The following ADAMTS2 variants were observed in gnomAD, a reference collection of about 807,000 sequenced individuals.
ADAMTS2 encodes the protein ADAM metallopeptidase with thrombospondin type 1 motif 2, also known as A disintegrin and metalloproteinase with thrombospondin motifs 2.
A neutral mutation model predicts 123.0 loss-of-function variants in ADAMTS2; 50 were observed. The observed-to-expected ratio is 0.41, with a 90% CI of 0.32 to 0.51. The LOEUF is 0.51. ADAMTS2 is among the 20% of genes least tolerant of loss of function. The pLI is 0.35. For synonymous variants in ADAMTS2, 678 were observed against 695.4 expected, an observed-to-expected ratio of 0.98 and a Z score of 0.39; for missense variants, 1,494 against 1,705.2, an observed-to-expected ratio of 0.88 and a Z score of 2.18.
At chr5:179,273,529 T>C (rs1248440228) in intron 2 of ADAMTS2, among the ~76,000 whole-genome samples, 2 of 152,116 alleles carry the variant, frequency 1.3e-5, no homozygotes, top group Admixed American at 1.3e-4. Flanking sequence ...CCCACACACA[T>C]GTTCCATCTG....
rs74938628 is a variant in ADAMTS2 at position 179,236,474 on chromosome 5, G to A, written c.689-28759C>T. ...TTAAGGTGGGGAACAAGAATGAGCTGTCAGAGGCCTCTGATAAAGAATCGT... is the reference window on the plus strand; with the variant it reads ...TTAAGGTGGGGAACAAGAATGAGCTATCAGAGGCCTCTGATAAAGAATCGT... On this transcript the variant is annotated intron_variant, in intron 3 of 21. Coordinates refer to ENST00000251582, the MANE Select transcript of ADAMTS2 (RefSeq NM_014244.5). Among the ~76,000 whole-genome samples, 418 of 152,258 alleles carry A rather than the reference G, an allele frequency of 2.7e-3. 1 individual carries two copies. Among genetic ancestry groups the A allele is most frequent in the African/African-American group, 9.7e-3 (403 of 41,496 alleles).
intron 5 of ADAMTS2, among the ~76,000 whole-genome samples, chr5:179,179,882 C>T (rs187622283): frequency 6.6e-6 from 1 of 152,334 alleles, no homozygotes; most frequent in East Asian, 1.9e-4. Context: ...TCTCTTTGAA[C>T]AGAGTTCAAC....
intron 5 of ADAMTS2, among the ~76,000 whole-genome samples, chr5:179,163,857 A>AG (rs1192673705): frequency 6.6e-6 from 1 of 151,976 alleles, no homozygotes; most frequent in Non-Finnish European, 1.5e-5. Flanking sequence ...CCAGAGCTAA[A>AG]GGGGTCTATG....
rs548849237 is a variant in ADAMTS2 at position 179,272,589 on chromosome 5, A to G, written c.688+322T>C. On this transcript the variant is annotated intron_variant, in intron 3 of 21. Transcript: ENST00000251582. This position sits in a 1 kb window ranked among gnomAD's most constrained non-coding sequence, Gnocchi z 5.8. ...CCGGGGGCCCCCGCCCCGCTCCACG[A>G]CACTTGCTTGCCTTTAGGCAACAGA... 6.6e-6 allele frequency among the ~76,000 whole-genome samples: 1 copy of G among 152,062 alleles called. No individual in the cohort carries two copies. The highest frequency in any genetic ancestry group is 1.5e-5 in the Non-Finnish European group (1 of 67,988).
chr5:179,275,775 G>C (rs550172260), intron 2 of ADAMTS2, among the ~76,000 whole-genome samples: 3 of 152,352 alleles, frequency 2.0e-5, no homozygotes, highest in African/African-American at 7.2e-5. Context: ...TACCGACTTC[G>C]GACGTCCGGC....
At position 179,314,748 on chromosome 5, in the gene ADAMTS2, C is replaced by T. The variant is rs1463308867; in HGVS notation, c.534+29019G>A. Among the ~76,000 whole-genome samples the T allele has an allele frequency of 2.6e-5, 4 of 152,148 alleles. No individual in the cohort carries two copies. Among genetic ancestry groups the T allele is most frequent in the Non-Finnish European group, 5.9e-5 (4 of 68,020 alleles). Reference sequence around the variant, plus strand: ...AGCCTTCCTGCACCCAGGTGGGGCTCCTGTCCCCCGCCAGTGCCCCCAACC... The same window carrying T: ...AGCCTTCCTGCACCCAGGTGGGGCTTCTGTCCCCCGCCAGTGCCCCCAACC... On this transcript the variant is annotated intron_variant, in intron 2 of 21. Transcript: ENST00000251582. The surrounding 1 kb of genome is among the most constrained non-coding windows in gnomAD (Gnocchi z 4.5).
rs1469746435 is a variant in ADAMTS2, at chr5:179,113,985, T to C, written c.3518A>G (p.Glu1173Gly). The C allele has an allele frequency of 6.2e-7, 1 of 1,614,166 alleles. No individual in the cohort carries two copies. The highest frequency in any genetic ancestry group is 1.7e-5 in the Admixed American group (1 of 60,016). Residue 1173 changes from glutamate to glycine, a missense_variant, in exon 22 of 22, where the codon GAA becomes GGA. Physicochemically the swap from Glu to Gly is moderately conservative, Grantham distance 98. Around this residue, in one of 6 missense-constraint regions of ADAMTS2, gnomAD observed 953 missense variants for 1,124.7 expected, o/e 0.85. Coordinates refer to ENST00000251582, the MANE Select transcript of ADAMTS2 (RefSeq NM_014244.5). ...EPYKIHGLED[E>G]VQPPNLIPRR... ...AGGGATTAGGTTGGGTGGCTGGACT[T>C]CATCTTCCAGGCCATGGATTTTGTA...
At chr5:179,259,052 G>A (rs114327132) in intron 3 of ADAMTS2, among the ~76,000 whole-genome samples, 5,658 of 152,074 alleles carry the variant, frequency 0.037, 144 homozygotes, top group Non-Finnish European at 0.06. Flanking sequence ...CACCCTCCTC[G>A]GAAACCAGAC....
At chr5:179,265,061 A>AGCAGCATGCCGGGTGGGG (rs1766332744) in intron 3 of ADAMTS2, among the ~76,000 whole-genome samples, 1 of 79,878 alleles carries the variant, frequency 1.3e-5, no homozygotes. Context: ...CCTGCACCAA[A>AGCAGCATGCCGGGTGGGG]CTGCCCGCTG....
At chr5:179,297,517 C>T (rs1333702238) in intron 2 of ADAMTS2, among the ~76,000 whole-genome samples, 1 of 152,088 alleles carries the variant, frequency 6.6e-6, no homozygotes, top group Non-Finnish European at 1.5e-5. Context: ...CTCCCCACAG[C>T]CTGCCCCTTT....
chr5:179,281,167 C>A (rs1437385585), intron 2 of ADAMTS2, among the ~76,000 whole-genome samples: 1 of 152,218 alleles, frequency 6.6e-6, no homozygotes, highest in Non-Finnish European at 1.5e-5. Flanking sequence ...CAGTTCAATG[C>A]TTTTTAATAT....
At chr5:179,223,324 TCACA>T in intron 3 of ADAMTS2, among the ~76,000 whole-genome samples, 1 of 122,394 alleles carries the variant, frequency 8.2e-6, no homozygotes, top group Non-Finnish European at 1.8e-5. Flanking sequence ...ACATGCACAC[TCACA>T]CAAATGCACT....
rs189298 is a variant in ADAMTS2 at position 179,317,640 on chromosome 5, G to C, written c.534+26127C>G. Among the ~76,000 whole-genome samples the C allele has an allele frequency of 6.6e-6, 1 of 152,198 alleles. No homozygotes were observed. The highest frequency in any genetic ancestry group is 2.4e-5 in the African/African-American group (1 of 41,456). ...GTCCCCCGGATGGCCAGCGGGCACA[G>C]AGCATATGTGTGCTGAGGGACACAT... is the stretch of plus-strand genomic sequence containing the variant. On this transcript the variant is annotated intron_variant, in intron 2 of 21. Coordinates refer to ENST00000251582, the MANE Select transcript of ADAMTS2 (RefSeq NM_014244.5). This position sits in a 1 kb window ranked among gnomAD's most constrained non-coding sequence, Gnocchi z 4.9.
chr5:179,207,440 G>A (rs1764724204), intron 4 of ADAMTS2, 73 bp downstream of exon 4: 1 of 1,510,056 alleles, frequency 6.6e-7, no homozygotes. Flanking sequence ...TGGCCCAGCT[G>A]GGCCTCTCTG....
chr5:179,167,576 G>A (rs931557192), intron 5 of ADAMTS2, among the ~76,000 whole-genome samples: 8 of 151,950 alleles, frequency 5.3e-5, no homozygotes, highest in African/African-American at 7.2e-5. Flanking sequence ...GCCTCCGCTG[G>A]AACCGCGCCC....
In ADAMTS2 at chr5:179,273,357, G is replaced by A. The variant is rs79956663; in HGVS notation, c.535-293C>T. 0.02 allele frequency among the ~76,000 whole-genome samples: 3,081 copies of A among 152,176 alleles called. 49 individuals are homozygous for A. Among genetic ancestry groups the A allele is most frequent in the Middle Eastern group, 0.068 (20 of 294 alleles). ...TTACTGTGTTTATAAAGTCAAAACC[G>A]TCCAGAGAAGCAGGGAGACATTCAA... On this transcript the variant is annotated intron_variant, in intron 2 of 21. Coordinates refer to ENST00000251582, the MANE Select transcript of ADAMTS2 (RefSeq NM_014244.5).
intron 12 of ADAMTS2, 135 bp downstream of exon 12, chr5:179,137,634 G>A: frequency 1.6e-6 from 2 of 1,246,638 alleles, no homozygotes; most frequent in East Asian, 5.1e-5. Context: ...AGCCACACCA[G>A]CCAGGGTGGG....
chr5:179,115,363 T>C lies in ADAMTS2; in HGVS notation c.3179-1039A>G, dbSNP rs548418921. On this transcript the variant is annotated intron_variant, in intron 21 of 21. Transcript: ENST00000251582. This position sits in a 1 kb window ranked among gnomAD's most constrained non-coding sequence, Gnocchi z 4.4. ...TCATTCCACAACACAAAAATTAAGATGATTTTAAAAAATTCACTCAAGAAG... is the reference window on the plus strand; with the variant it reads ...TCATTCCACAACACAAAAATTAAGACGATTTTAAAAAATTCACTCAAGAAG... Among the ~76,000 whole-genome samples the C allele has an allele frequency of 2.0e-5, 3 of 152,298 alleles. No homozygotes were observed. The highest frequency in any genetic ancestry group is 6.5e-5 in the Admixed American group (1 of 15,294).
chr5:179,220,665 C>T (rs1172819725), intron 3 of ADAMTS2, among the ~76,000 whole-genome samples: 3 of 152,192 alleles, frequency 2.0e-5, no homozygotes, highest in African/African-American at 7.2e-5. Flanking sequence ...CCTCCACGCT[C>T]TATGCCCTCT....
Sources: gnomAD v4.1 joint callset for allele counts (sites outside exome capture counted in the v4.1 genomes callset) on GRCh38, gnomAD v4.1.1 for gene constraint, gnomAD v4.1.1 regional missense constraint, Gnocchi (gnomAD v3.1) non-coding constraint, MANE v1.5 for transcripts, NCBI Gene and HGNC (gene_info 2026-07-23, HGNC 2026-07-21) for gene names.